The following ELMOD3 variants were observed in gnomAD, a reference collection of about 807,000 sequenced individuals.
The protein encoded by ELMOD3 is ELMO domain-containing protein 3.
ELMOD3 carries 36 observed loss-of-function variants against 47.4 expected under a neutral mutation model. The ratio of observed to expected loss-of-function variants is 0.76; its 90% confidence interval spans 0.58 to 1.00. The LOEUF (loss-of-function observed/expected upper bound fraction) is 1.00. Among genes scored for constraint, ELMOD3 ranks in the 50% least tolerant of loss-of-function variants. The pLI, the probability that ELMOD3 is intolerant of heterozygous loss-of-function variation, is 0.00. For missense variants in ELMOD3, 404 were observed against 463.8 expected (o/e 0.87, Z 1.18); for synonymous variants, 149 against 183.5 (o/e 0.81, Z 1.52).
chr2:85,368,664 TC>T, intron 6 of ELMOD3, 21 bp from the exon 7 acceptor site: 1 of 1,613,444 alleles, frequency 6.2e-7, no homozygotes, highest in Non-Finnish European at 8.5e-7. Context: ...TCAGAGGGTC[TC>T]CTTTTCTCCT....
At chr2:85,369,892 C>T in intron 8 of ELMOD3, 62 bp downstream of exon 8, 1 of 1,593,280 alleles carries the variant, frequency 6.3e-7, no homozygotes, top group Non-Finnish European at 8.6e-7. Context: ...AGCCAAGCCT[C>T]TATCCCACCA....
chr2:85,358,413 G>T (rs941899021), intron 4 of ELMOD3, among the ~76,000 whole-genome samples: 12 of 152,152 alleles, frequency 7.9e-5, no homozygotes, highest in Non-Finnish European at 1.6e-4. Flanking sequence ...GCCCCAGCTA[G>T]TAAGGTAGGT....
chr2:85,365,636 C>T (rs57959843), intron 6 of ELMOD3, among the ~76,000 whole-genome samples: 13,366 of 152,164 alleles, frequency 0.088, 691 homozygotes, highest in South Asian at 0.15. Context: ...GAAGCTCTTA[C>T]GTGGTTTGGG....
intron 3 of ELMOD3, chr2:85,356,194 G>C (rs1043526268): frequency 5.3e-5 from 8 of 152,292 alleles, no homozygotes; most frequent in African/African-American, 1.4e-4. Flanking sequence ...TGGCTAGCCA[G>C]CTGCCACATG....
rs929638837 is a variant in ELMOD3, at chr2:85,369,913, T to C, written c.360+83T>C. On this transcript the variant is annotated intron_variant, in intron 8 of 13. Transcript: ENST00000409013. ...GCCTCTATCCCACCAGGACAGGGCATTGGGCAAGCAAATCTCCCCTAAGAT... is the reference window on the plus strand; with the variant it reads ...GCCTCTATCCCACCAGGACAGGGCACTGGGCAAGCAAATCTCCCCTAAGAT... The C allele has an allele frequency of 9.2e-6, 14 of 1,528,140 alleles. No homozygotes were observed. In the Admixed American group the frequency reaches 1.2e-4, roughly 13 times the overall value. The allele number at this position is 1,528,140 out of a possible 1,614,324, so 94.7% of individuals were successfully genotyped here.
At chr2:85,380,185 C>G (rs1172254335) in intron 11 of ELMOD3, among the ~76,000 whole-genome samples, 1 of 152,170 alleles carries the variant, frequency 6.6e-6, no homozygotes, top group East Asian at 1.9e-4. Context: ...TAAGAATACT[C>G]ACAAATAGTT....
chr2:85,360,358 T>TC (rs1203026680), intron 4 of ELMOD3, among the ~76,000 whole-genome samples: 6 of 149,466 alleles, frequency 4.0e-5, no homozygotes, highest in Non-Finnish European at 5.9e-5. Context: ...GGTTGGTTTT[T>TC]CTTTTTTTTT....
At chr2:85,378,809 A>G (rs1685345916) in intron 11 of ELMOD3, among the ~76,000 whole-genome samples, 1 of 152,182 alleles carries the variant, frequency 6.6e-6, no homozygotes, top group Non-Finnish European at 1.5e-5. Context: ...AAGAAAATGA[A>G]TCTCTGGTCT....
intron 10 of ELMOD3, among the ~76,000 whole-genome samples, chr2:85,375,015 A>G (rs72840085): frequency 0.097 from 14,689 of 152,024 alleles, 752 homozygotes; most frequent in South Asian, 0.16. Flanking sequence ...GTGTGGAGGC[A>G]GAGGTTGCAG....
intron 4 of ELMOD3, 39 bp from the exon 5 acceptor site, chr2:85,362,147 A>G (rs747329273): frequency 8.4e-7 from 1 of 1,188,754 alleles, no homozygotes; most frequent in Non-Finnish European, 1.3e-6. Context: ...TTGGGGGATT[A>G]ATATGTGCCT....
chr2:85,361,061 C>T (rs1683916779), intron 4 of ELMOD3: 1 of 152,422 alleles, frequency 6.6e-6, no homozygotes, highest in South Asian at 2.1e-4. Flanking sequence ...TCAAGCAATC[C>T]TCCTGCCTCA....
rs117334637 is a variant in ELMOD3, at chr2:85,371,890, G to A, written c.607+328G>A. 4.2e-3 allele frequency: 1,094 copies of A among 258,332 alleles called. 26 individuals carry two copies. In the East Asian group the frequency reaches 0.063, roughly 15 times the overall value. The allele number at this position is 258,332 out of a possible 1,614,324, so 16.0% of individuals were successfully genotyped here. A position where few individuals can be genotyped will look rare whatever the true frequency, so the allele number is the denominator to read the frequency against. On this transcript the variant is annotated intron_variant, in intron 10 of 13. Transcript: ENST00000409013. The stretch of plus-strand genomic sequence containing the variant: ...CTCTACTAAAAATACAAATATTAGG[G>A]TGGGGTGCGGTGGCCTGTGCCTGTA...
intron 5 of ELMOD3, 139 bp downstream of exon 5, chr2:85,362,399 T>C (rs1684047147): frequency 1.5e-6 from 1 of 647,414 alleles, no homozygotes; most frequent in Admixed American, 2.5e-5. Flanking sequence ...TTGAGGGGAG[T>C]GAGGGGAGGG....
chr2:85,371,347 T>G, intron 9 of ELMOD3, 93 bp from the exon 10 acceptor site: 1 of 1,593,132 alleles, frequency 6.3e-7, no homozygotes, highest in South Asian at 1.1e-5. Context: ...GAGAACTGGA[T>G]GTCTCACAGT....
chr2:85,364,825 A>ATATATATTT (rs375582916), intron 6 of ELMOD3, among the ~76,000 whole-genome samples: 47 of 69,888 alleles, frequency 6.7e-4, no homozygotes, highest in African/African-American at 2.5e-3. Flanking sequence ...ATATATATAT[A>ATATATATTT]TTTTTTTTTT....
chr2:85,360,364 T>C (rs1447858259), intron 4 of ELMOD3, among the ~76,000 whole-genome samples: 1 of 151,858 alleles, frequency 6.6e-6, no homozygotes, highest in Non-Finnish European at 1.5e-5. Context: ...TTTTTCTTTT[T>C]TTTTTTTGAG....
intron 11 of ELMOD3, chr2:85,389,533 T>A: frequency 1.7e-6 from 1 of 592,546 alleles, no homozygotes; most frequent in Non-Finnish European, 3.0e-6. Context: ...GTTGGTATCC[T>A]GGTTCCCATG....
Position 85,391,010 on chromosome 2 carries a change from G to T in ELMOD3, c.*48G>T. Reference sequence around the variant, plus strand: ...AAAGGCTGAGCTGCAGGGGCTTTCAGGGGGTCAGTGGAGCCATGTCAGGAG... The same window carrying T: ...AAAGGCTGAGCTGCAGGGGCTTTCATGGGGTCAGTGGAGCCATGTCAGGAG... On this transcript the variant is annotated 3_prime_UTR_variant, in exon 14 of 14. Transcript: ENST00000409013. The T allele has an allele frequency of 1.3e-6, 2 of 1,514,094 alleles. No individual in the cohort carries two copies. Among genetic ancestry groups the T allele is most frequent in the Admixed American group, 2.1e-5 (1 of 48,688 alleles). The allele number at this position is 1,514,094 out of a possible 1,614,324, so 93.8% of individuals were successfully genotyped here.
intron 6 of ELMOD3, among the ~76,000 whole-genome samples, chr2:85,368,084 G>T (rs1684527154): frequency 6.6e-6 from 1 of 152,078 alleles, no homozygotes; most frequent in East Asian, 1.9e-4. Context: ...CTAATTTTTT[G>T]TATTTTTAGT....
Sources: allele counts gnomAD v4.1 joint callset (sites outside exome capture counted in the v4.1 genomes callset), GRCh38; gene constraint gnomAD v4.1.1; transcripts MANE v1.5; gene names NCBI Gene and HGNC (gene_info 2026-07-23, HGNC 2026-07-21).